The following KIAA0319L variants were observed in gnomAD, a reference collection of about 807,000 sequenced individuals.
KIAA0319L encodes dyslexia-associated protein KIAA0319-like protein.
Under a neutral mutation model 120.1 loss-of-function variants are expected in KIAA0319L, and 55 were observed. The ratio of observed to expected loss-of-function variants is 0.46; its 90% CI spans 0.37 to 0.57. The LOEUF (loss-of-function observed/expected upper bound fraction) is 0.57. Among genes scored for constraint, KIAA0319L ranks in the 20% least tolerant of loss-of-function variants. The pLI, the probability that KIAA0319L is intolerant of heterozygous loss-of-function variation, is 0.00. For missense variants in KIAA0319L, 1,049 were observed against 1,255.3 expected, an observed-to-expected ratio of 0.84 and a Z score of 2.48; for synonymous variants, 398 against 471.9, an observed-to-expected ratio of 0.84 and a Z score of 2.03.
chr1:35,552,252 G>C (rs1647266785), intron 2 of KIAA0319L, among the ~76,000 whole-genome samples: 1 of 152,162 alleles, frequency 6.6e-6, no homozygotes, highest in African/African-American at 2.4e-5. Context: ...TGACGCAGGA[G>C]AATCACTTGA....
At chr1:35,497,245 A>G (rs1644845242) in intron 3 of KIAA0319L, among the ~76,000 whole-genome samples, 1 of 152,124 alleles carries the variant, frequency 6.6e-6, no homozygotes, top group Non-Finnish European at 1.5e-5. Flanking sequence ...GACAAAAAAA[A>G]AAAAGATGAA....
chr1:35,520,737 A>C (rs573077349), intron 2 of KIAA0319L, among the ~76,000 whole-genome samples: 85 of 152,200 alleles, frequency 5.6e-4, no homozygotes, highest in Admixed American at 1.7e-3. Flanking sequence ...TCATCTTTTT[A>C]TTCATTCATC....
Position 35,444,360 on chromosome 1 carries a change from G to A in KIAA0319L, c.2514-57C>T, listed in dbSNP as rs563931524. The A allele has an allele frequency of 4.8e-5, 72 of 1,486,752 alleles. No homozygotes were observed. In the African/African-American group the frequency reaches 9.5e-4, roughly 20 times the overall value. The allele number at this position is 1,486,752 out of a possible 1,614,324, so 92.1% of individuals were successfully genotyped here. ...GAAGCGGTCCATACCTGCAGCAACA[G>A]CTAACATTTACTAAGTACCTTCTGT... On this transcript the variant is annotated intron_variant, in intron 16 of 20. Coordinates refer to ENST00000325722, the MANE Select transcript of KIAA0319L (RefSeq NM_024874.5).
chr1:35,495,863 C>CAA (rs200064916), intron 3 of KIAA0319L, among the ~76,000 whole-genome samples: 6,574 of 67,978 alleles, frequency 0.097, 577 homozygotes, highest in African/African-American at 0.22. Context: ...TAACACTCTA[C>CAA]AAAAAAAAAA....
chr1:35,551,068 T>C (rs921666045), intron 2 of KIAA0319L, among the ~76,000 whole-genome samples: 1 of 152,128 alleles, frequency 6.6e-6, no homozygotes, highest in Non-Finnish European at 1.5e-5. Flanking sequence ...AGTCGAAAAA[T>C]ATGAATTTTT....
intron 20 of KIAA0319L, among the ~76,000 whole-genome samples, chr1:35,436,277 C>T (rs913051865): frequency 2.0e-5 from 3 of 152,212 alleles, no homozygotes; most frequent in South Asian, 2.1e-4. Context: ...GGACCACATG[C>T]GCCCAAGGAC....
chr1:35,529,280 G>A (rs1646271609), intron 2 of KIAA0319L, among the ~76,000 whole-genome samples: 1 of 152,174 alleles, frequency 6.6e-6, no homozygotes, highest in East Asian at 1.9e-4. Context: ...ACTTACTACT[G>A]TCATTTTGTT....
At chr1:35,491,488 TA>T (rs1644591862) in intron 3 of KIAA0319L, among the ~76,000 whole-genome samples, 1 of 151,822 alleles carries the variant, frequency 6.6e-6, no homozygotes, top group Non-Finnish European at 1.5e-5. Context: ...GGAACAAAGA[TA>T]AAAACTAGAG....
intron 12 of KIAA0319L, among the ~76,000 whole-genome samples, chr1:35,452,590 C>T (rs7511807): frequency 0.049 from 7,413 of 152,262 alleles, 428 homozygotes; most frequent in East Asian, 0.25. Context: ...AGAAGCTATG[C>T]TAAGCATTAT....
chr1:35,491,442 A>G (rs908897992), intron 3 of KIAA0319L, among the ~76,000 whole-genome samples: 2 of 152,188 alleles, frequency 1.3e-5, no homozygotes, highest in African/African-American at 4.8e-5. Context: ...AGAAAATTAT[A>G]TAAGCAGCCA....
intron 3 of KIAA0319L, among the ~76,000 whole-genome samples, chr1:35,505,238 A>G (rs1291596310): frequency 6.6e-6 from 1 of 152,192 alleles, no homozygotes; most frequent in Non-Finnish European, 1.5e-5. Flanking sequence ...CATCTTATTT[A>G]TTGTAATATT....
intron 17 of KIAA0319L, among the ~76,000 whole-genome samples, chr1:35,443,733 G>A (rs957693890): frequency 6.6e-6 from 1 of 151,892 alleles, no homozygotes; most frequent in African/African-American, 2.4e-5. Context: ...AGCTAGAAGT[G>A]GGTTTAACAA....
chr1:35,493,400 G>A lies in KIAA0319L; in HGVS notation c.666+13212C>T, dbSNP rs556056830. Among the ~76,000 whole-genome samples the A allele has an allele frequency of 8.6e-5, 13 of 151,652 alleles. No individual in the cohort carries two copies. In the South Asian group the frequency reaches 2.5e-3, roughly 29 times the overall value. ...ACAAAAGATGTGCAAGATCTCTGTT[G>A]GAGGAGGAGGTGCAAAAAAATAAAA... is the stretch of plus-strand genomic sequence containing the variant. On this transcript the variant is annotated intron_variant, in intron 3 of 20. Coordinates refer to ENST00000325722, the MANE Select transcript of KIAA0319L (RefSeq NM_024874.5).
chr1:35,491,625 T>C (rs1644597275), intron 3 of KIAA0319L, among the ~76,000 whole-genome samples: 1 of 152,030 alleles, frequency 6.6e-6, no homozygotes, highest in Admixed American at 6.5e-5. Context: ...AAATGTAATA[T>C]TTTAAAAAAA....
chr1:35,470,968 A>C lies in KIAA0319L; in HGVS notation c.1016-8T>G. On this transcript the variant is annotated splice_polypyrimidine_tract_variant and splice_region_variant and intron_variant, in intron 5 of 20. Transcript: ENST00000325722. ...CGTAGGTGTAGGTTTCTCCTATAGA[A>C]GGGCAGTTACAAAAATCATGAAAAC... 1 of 1,541,660 alleles carries C rather than the reference A, an allele frequency of 6.5e-7. No homozygotes were observed. Among genetic ancestry groups the C allele is most frequent in the South Asian group, 1.1e-5 (1 of 89,624 alleles).
chr1:35,500,680 T>A (rs1199191233), intron 3 of KIAA0319L, among the ~76,000 whole-genome samples: 1 of 152,200 alleles, frequency 6.6e-6, no homozygotes, highest in Admixed American at 6.5e-5. Flanking sequence ...AACTAGAAAC[T>A]GGTGCTGCTC....
chr1:35,446,398 A>T (rs544715720), intron 16 of KIAA0319L, among the ~76,000 whole-genome samples: 3 of 152,222 alleles, frequency 2.0e-5, no homozygotes, highest in Non-Finnish European at 2.9e-5. Flanking sequence ...ATTTTTAAAG[A>T]TATTCTTTCA....
chr1:35,555,388 G>A (rs544650637), intron 1 of KIAA0319L, among the ~76,000 whole-genome samples: 33 of 152,298 alleles, frequency 2.2e-4, no homozygotes, highest in African/African-American at 7.5e-4. Context: ...CATACAGGGA[G>A]ATCAGCATTG....
At chr1:35,496,783 T>C (rs1644821584) in intron 3 of KIAA0319L, among the ~76,000 whole-genome samples, 1 of 151,452 alleles carries the variant, frequency 6.6e-6, no homozygotes, top group South Asian at 2.1e-4. Context: ...GTCTCTACTT[T>C]AAAAAATACA....
Sources: allele counts gnomAD v4.1 joint callset (sites outside exome capture counted in the v4.1 genomes callset), GRCh38; gene constraint gnomAD v4.1.1; transcripts MANE v1.5; gene names NCBI Gene and HGNC (gene_info 2026-07-23, HGNC 2026-07-21).